Variants in RTF1 observed in about 807,000 individuals in gnomAD.
The protein encoded by RTF1 is RTF1 homolog, Paf1/RNA polymerase II complex component, also known as RNA polymerase-associated protein RTF1 homolog.
RTF1 carries 10 observed loss-of-function variants against 95.7 expected under a neutral mutation model. That is an observed-to-expected ratio of 0.10 (90% CI 0.06 to 0.18). RTF1 has a LOEUF of 0.18. RTF1 is among the 10% of genes least tolerant of loss of function. RTF1 has a pLI of 1.00. For missense variants in RTF1, 458 were observed against 875.6 expected (o/e 0.52, Z 6.02); for synonymous variants, 305 against 311.8 (o/e 0.98, Z 0.23).
chr15:41,479,138 C>G lies in RTF1; in HGVS notation c.1854C>G (p.Ala618=), dbSNP rs774967021. Residue 618 remains alanine, a synonymous_variant, in exon 16 of 18, where the codon GCC becomes GCG. Transcript: ENST00000389629. ...CAGCTGTTCAAGCTGCCATCTTGGC[C>G]CAGCTGAATGCAAAATACGGTTCTG... ...RDPAVQAAIL[A]QLNAKYGSGV... is the part of the protein sequence containing the mutation. 17 of 1,613,742 alleles carry G rather than the reference C, an allele frequency of 1.1e-5. No individual in the cohort carries two copies. Among genetic ancestry groups the G allele is most frequent in the African/African-American group, 4.0e-5 (3 of 74,828 alleles).
At chr15:41,456,237 A>G (rs1449885290) in intron 3 of RTF1, among the ~76,000 whole-genome samples, 3 of 151,776 alleles carry the variant, frequency 2.0e-5, no homozygotes, top group African/African-American at 7.3e-5. Flanking sequence ...CAGTAATCCC[A>G]GCACTTTGGG....
At chr15:41,429,308 G>A (rs1007219892) in intron 1 of RTF1, among the ~76,000 whole-genome samples, 4 of 152,118 alleles carry the variant, frequency 2.6e-5, no homozygotes, top group Non-Finnish European at 5.9e-5. Flanking sequence ...TCGTCATCTC[G>A]TAGATCCTTC....
chr15:41,480,337 T>C lies in RTF1; in HGVS notation c.2026+12T>C. On this transcript the variant is annotated intron_variant, in intron 17 of 17. Coordinates refer to ENST00000389629, the MANE Select transcript of RTF1 (RefSeq NM_015138.5). ...AGTTCCCAGCTCAGGTATGTGAGGG[T>C]GGGGCGGGTGGTGAGGGCTGAGAAC... is the stretch of plus-strand genomic sequence containing the variant. The C allele has an allele frequency of 1.9e-6, 3 of 1,558,866 alleles. No homozygotes were observed. Among genetic ancestry groups the C allele is most frequent in the African/African-American group, 2.7e-5 (2 of 73,856 alleles).
At chr15:41,470,175 C>G in intron 6 of RTF1, 82 bp from the exon 7 acceptor site, 1 of 1,473,622 alleles carries the variant, frequency 6.8e-7, no homozygotes, top group Non-Finnish European at 9.3e-7. Flanking sequence ...TTTGAGTCCT[C>G]TTCCATTTCC....
chr15:41,479,252 C>A (rs942956748), intron 16 of RTF1, 54 bp downstream of exon 16: 2 of 1,237,548 alleles, frequency 1.6e-6, no homozygotes, highest in Admixed American at 1.8e-5. Flanking sequence ...GCTGAGATAC[C>A]GAACAAGTAC....
At chr15:41,477,724 C>G (rs376125591) in intron 14 of RTF1, 7 of 582,082 alleles carry the variant, frequency 1.2e-5, no homozygotes, top group South Asian at 6.2e-5. Flanking sequence ...TCTTCCCACC[C>G]TTAGATTCTA....
chr15:41,475,691 C>T lies in RTF1; in HGVS notation c.1375-21C>T, dbSNP rs763806200. ...TTCCAAAATCCCTTACTAATAATCT[C>T]GTATCGTGTTTTTGATCCAGATGTT... On this transcript the variant is annotated intron_variant, in intron 10 of 17. Transcript: ENST00000389629. 2.4e-5 allele frequency: 38 copies of T among 1,598,510 alleles called. 1 individual carries two copies. The highest frequency in any genetic ancestry group is 4.4e-5 in the South Asian group (4 of 90,710).
chr15:41,469,000 T>C (rs2050895783), intron 6 of RTF1, among the ~76,000 whole-genome samples: 1 of 151,974 alleles, frequency 6.6e-6, no homozygotes, highest in Non-Finnish European at 1.5e-5. Flanking sequence ...ACAGGATCTC[T>C]CTCTGTTACT....
intron 11 of RTF1, 139 bp downstream of exon 11, chr15:41,475,958 T>A (rs2050940001): frequency 3.4e-6 from 2 of 591,050 alleles, no homozygotes; most frequent in Non-Finnish European, 6.0e-6. Context: ...ACTACCTGAT[T>A]ATTTATAGTT....
chr15:41,474,514 C>A, intron 8 of RTF1, 106 bp from the exon 9 acceptor site: 1 of 826,330 alleles, frequency 1.2e-6, no homozygotes. Flanking sequence ...CTCTACTCAG[C>A]ACTCTATCAG....
At chr15:41,440,127 G>A (rs2050725060) in intron 2 of RTF1, 1 of 151,748 alleles carries the variant, frequency 6.6e-6, no homozygotes, top group South Asian at 2.1e-4. Context: ...GTATTTACCG[G>A]TGCCCTGCAT....
intron 1 of RTF1, among the ~76,000 whole-genome samples, chr15:41,419,275 A>G (rs1265703266): frequency 1.3e-5 from 2 of 152,212 alleles, no homozygotes; most frequent in South Asian, 2.1e-4. Context: ...TACCATTTAT[A>G]TAGTGCCTAG....
chr15:41,439,162 G>C (rs75445512), intron 2 of RTF1, among the ~76,000 whole-genome samples: 7,603 of 150,992 alleles, frequency 0.05, 227 homozygotes, highest in East Asian at 0.16. Context: ...CTACTGACTA[G>C]CTGGGACTAC....
chr15:41,471,122 T>C, intron 7 of RTF1, 50 bp from the exon 8 acceptor site: 1 of 1,520,848 alleles, frequency 6.6e-7, no homozygotes, highest in Non-Finnish European at 8.9e-7. Flanking sequence ...TTCTGTCTTG[T>C]TCTGTTTTTA....
intron 7 of RTF1, 85 bp downstream of exon 7, chr15:41,470,477 G>T: frequency 1.4e-6 from 2 of 1,409,514 alleles, no homozygotes; most frequent in Non-Finnish European, 2.0e-6. Flanking sequence ...AATCTCCCTG[G>T]TTGGGCCACT....
intron 4 of RTF1, among the ~76,000 whole-genome samples, chr15:41,464,196 C>G (rs900441207): frequency 6.6e-6 from 1 of 150,510 alleles, no homozygotes; most frequent in African/African-American, 2.4e-5. Flanking sequence ...CACTCTGTCG[C>G]CCAGGCTAGA....
intron 1 of RTF1, 34 bp from the exon 2 acceptor site, chr15:41,438,287 A>G (rs2050715124): frequency 7.2e-7 from 1 of 1,398,336 alleles, no homozygotes; most frequent in African/African-American, 1.4e-5. Context: ...TTCTCTGTTG[A>G]ACAAAACTGA....
chr15:41,480,713 C>T lies in RTF1; in HGVS notation c.*26C>T. The T allele has an allele frequency of 6.7e-7, 1 of 1,486,506 alleles. No individual in the cohort carries two copies. The highest frequency in any genetic ancestry group is 9.4e-7 in the Non-Finnish European group (1 of 1,063,582). 92.1% of individuals were successfully genotyped at this position (1,486,506 alleles called of 1,614,324 possible). A position where few individuals can be genotyped will look rare whatever the true frequency, so the allele number is the denominator to read the frequency against. On this transcript the variant is annotated 3_prime_UTR_variant, in exon 18 of 18. Coordinates refer to ENST00000389629, the MANE Select transcript of RTF1 (RefSeq NM_015138.5). ...GCACACCCAGCCTGCTGCTTCTGAC[C>T]CTGCATGCCCCATCGCAGCGTCCCA...
At chr15:41,428,889 A>G (rs1162488402) in intron 1 of RTF1, among the ~76,000 whole-genome samples, 1 of 151,806 alleles carries the variant, frequency 6.6e-6, no homozygotes, top group Non-Finnish European at 1.5e-5. Flanking sequence ...AGCATATGCC[A>G]CCACATCTGC....
Sources: allele counts gnomAD v4.1 joint callset (sites outside exome capture counted in the v4.1 genomes callset), GRCh38; gene constraint gnomAD v4.1.1; transcripts MANE v1.5; gene names NCBI Gene and HGNC (gene_info 2026-07-23, HGNC 2026-07-21).